FSTL5: variants seen among roughly 807,000 people sequenced by gnomAD.
The protein encoded by FSTL5 is follistatin like 5.
A neutral mutation model predicts 89.1 loss-of-function variants in FSTL5; 62 were observed. The ratio of observed to expected loss-of-function variants is 0.70; its 90% confidence interval spans 0.57 to 0.86. FSTL5 has a LOEUF of 0.86. Among genes scored for constraint, FSTL5 ranks in the 40% least tolerant of loss-of-function variants. FSTL5 has a pLI of 0.00. For missense variants in FSTL5, 1,057 were observed against 1,001.6 expected (o/e 1.06, Z -0.75); for synonymous variants, 383 against 346.2 (o/e 1.11, Z -1.18).
At chr4:161,444,697 G>C (rs1323875013) in intron 15 of FSTL5, among the ~76,000 whole-genome samples, 1 of 82,808 alleles carries the variant, frequency 1.2e-5, no homozygotes, top group African/African-American at 4.7e-5. Flanking sequence ...GTTGAGTTTT[G>C]TTGTAGTAAT....
At chr4:162,015,500 G>A (rs1352966717) in intron 3 of FSTL5, among the ~76,000 whole-genome samples, 1 of 152,096 alleles carries the variant, frequency 6.6e-6, no homozygotes, top group Admixed American at 6.6e-5. Flanking sequence ...CACACCACAC[G>A]CTGCCCACTA....
intron 10 of FSTL5, among the ~76,000 whole-genome samples, chr4:161,533,715 C>T (rs546154981): frequency 6.6e-6 from 1 of 152,206 alleles, no homozygotes; most frequent in African/African-American, 2.4e-5. Flanking sequence ...TTCTCTCTAA[C>T]TTATTCTATG....
intron 5 of FSTL5, among the ~76,000 whole-genome samples, chr4:161,763,024 T>C (rs1740861844): frequency 6.6e-6 from 1 of 152,172 alleles, no homozygotes. Context: ...CTCACTGTCT[T>C]GGTACTGTAT....
chr4:162,061,859 C>T (rs1444260374), intron 2 of FSTL5, among the ~76,000 whole-genome samples: 1 of 151,860 alleles, frequency 6.6e-6, no homozygotes, highest in African/African-American at 2.4e-5. Flanking sequence ...TTCTGTTACT[C>T]CTACATTTAT....
At chr4:162,026,004 T>C (rs1361717820) in intron 3 of FSTL5, among the ~76,000 whole-genome samples, 2 of 151,830 alleles carry the variant, frequency 1.3e-5, no homozygotes, top group East Asian at 3.9e-4. Context: ...ATATACTCTT[T>C]TATAAAGCCA....
At chr4:161,463,992 AT>A (rs960678271) in intron 13 of FSTL5, among the ~76,000 whole-genome samples, 4 of 150,424 alleles carry the variant, frequency 2.7e-5, no homozygotes, top group South Asian at 2.1e-4. Context: ...TGTCTGAGTG[AT>A]TTTTTTTTTC....
intron 8 of FSTL5, among the ~76,000 whole-genome samples, chr4:161,580,139 G>A (rs1560963810): frequency 6.6e-6 from 1 of 152,050 alleles, no homozygotes; most frequent in Non-Finnish European, 1.5e-5. Flanking sequence ...GCATCTTGAC[G>A]TCATGATTTA....
At chr4:161,429,861 C>A (rs140826232) in intron 15 of FSTL5, among the ~76,000 whole-genome samples, 2 of 151,908 alleles carry the variant, frequency 1.3e-5, no homozygotes, top group Non-Finnish European at 2.9e-5. Flanking sequence ...CAATACCACA[C>A]GGGAAAAAAA....
chr4:161,693,448 GT>G (rs1266178508), intron 6 of FSTL5, among the ~76,000 whole-genome samples: 1 of 152,000 alleles, frequency 6.6e-6, no homozygotes, highest in Non-Finnish European at 1.5e-5. Flanking sequence ...AAAGCATCTG[GT>G]GTTGGCATTT....
intron 2 of FSTL5, among the ~76,000 whole-genome samples, chr4:162,104,564 G>T (rs1731136658): frequency 6.6e-6 from 1 of 152,202 alleles, no homozygotes; most frequent in Non-Finnish European, 1.5e-5. Flanking sequence ...TCAACTCACA[G>T]GTCTTCTCGT....
intron 6 of FSTL5, among the ~76,000 whole-genome samples, chr4:161,714,142 T>G (rs1361834471): frequency 6.6e-6 from 1 of 152,192 alleles, no homozygotes; most frequent in Non-Finnish European, 1.5e-5. Context: ...CTCAAAACAC[T>G]CTTTGTGAAG....
chr4:161,850,803 T>C (rs1731525295), intron 4 of FSTL5, among the ~76,000 whole-genome samples: 1 of 151,956 alleles, frequency 6.6e-6, no homozygotes, highest in South Asian at 2.1e-4. Flanking sequence ...ATAAAGAAAA[T>C]GTGGTACATA....
intron 8 of FSTL5, among the ~76,000 whole-genome samples, chr4:161,571,631 C>A (rs150267653): frequency 1.8e-3 from 273 of 152,226 alleles, no homozygotes; most frequent in African/African-American, 6.3e-3. Context: ...GGAAATAATA[C>A]ATTATCGACC....
intron 6 of FSTL5, among the ~76,000 whole-genome samples, chr4:161,755,441 C>T (rs142309101): frequency 1.2e-3 from 176 of 152,040 alleles, no homozygotes; most frequent in Middle Eastern, 3.4e-3. Flanking sequence ...TACTATCTTC[C>T]ATTTTATACC....
At chr4:161,479,533 T>G (rs1340896811) in intron 13 of FSTL5, among the ~76,000 whole-genome samples, 1 of 152,142 alleles carries the variant, frequency 6.6e-6, no homozygotes, top group African/African-American at 2.4e-5. Flanking sequence ...CCAAAATGAA[T>G]GCTTGTCATT....
At chr4:162,090,970 T>G (rs1463315480) in intron 2 of FSTL5, among the ~76,000 whole-genome samples, 6 of 152,162 alleles carry the variant, frequency 3.9e-5, no homozygotes, top group African/African-American at 1.4e-4. Context: ...CCATCACCTT[T>G]CTGCTCCTCA....
chr4:162,146,793 T>TTG lies in FSTL5; in HGVS notation c.-17+16820_-17+16821dup, dbSNP rs545329155. On this transcript the variant is annotated intron_variant, in intron 1 of 15. Coordinates refer to ENST00000306100, the MANE Select transcript of FSTL5 (RefSeq NM_020116.5). ...CTCTCTTTCTTTCTTTGTTTTCTTT[T>TTG]TGTGTGTGTGTGAGATGGAGTCTTG... 1.5e-3 allele frequency among the ~76,000 whole-genome samples: 234 copies of TTG among 151,024 alleles called. 1 individual carries two copies. The highest frequency in any genetic ancestry group is 4.7e-3 in the African/African-American group (195 of 41,062).
intron 10 of FSTL5, among the ~76,000 whole-genome samples, chr4:161,536,083 C>A (rs1384212905): frequency 6.6e-6 from 1 of 151,918 alleles, no homozygotes; most frequent in Non-Finnish European, 1.5e-5. Context: ...CTGGGAACTA[C>A]TAAAGGAGCG....
chr4:161,798,675 C>T (rs1328162291), intron 4 of FSTL5, among the ~76,000 whole-genome samples: 1 of 151,368 alleles, frequency 6.6e-6, no homozygotes. Context: ...GGTGAACACT[C>T]AAATTTGACA....
Sources: gnomAD v4.1 joint callset for allele counts (sites outside exome capture counted in the v4.1 genomes callset) on GRCh38, gnomAD v4.1.1 for gene constraint, MANE v1.5 for transcripts, NCBI Gene and HGNC (gene_info 2026-07-23, HGNC 2026-07-21) for gene names.